GCSAML: variants seen among roughly 807,000 people sequenced by gnomAD.
GCSAML encodes the protein germinal center-associated signaling and motility-like protein.
GCSAML carries 9 observed loss-of-function variants against 13.0 expected under a neutral mutation model. That is an observed-to-expected ratio of 0.69 (90% CI 0.42 to 1.21). The LOEUF (loss-of-function observed/expected upper bound fraction) is 1.21, where lower values mean the gene tolerates loss of function less well. Ranked by LOEUF, GCSAML falls within the 50% of genes most tolerant of loss-of-function variation. The pLI, the probability that GCSAML is intolerant of heterozygous loss-of-function variation, is 0.00. For synonymous variants in GCSAML, 37 were observed against 52.9 expected (o/e 0.70, Z 1.31); for missense variants, 143 against 153.4 (o/e 0.93, Z 0.36).
chr1:247,521,987 CCGCTGCCCCGTCTGGG>C (rs1666451211), intron 1 of GCSAML, among the ~76,000 whole-genome samples: 1 of 151,576 alleles, frequency 6.6e-6, no homozygotes, highest in Non-Finnish European at 1.5e-5. Flanking sequence ...CGCCTCTGCC[CCGCTGCCCCGTCTGGG>C]ATGTGAGGAG....
intron 4 of GCSAML, among the ~76,000 whole-genome samples, chr1:247,566,841 C>A (rs1406530990): frequency 6.6e-6 from 1 of 151,688 alleles, no homozygotes; most frequent in African/African-American, 2.4e-5. Flanking sequence ...TGCATAAACT[C>A]AATTTTTTCT....
chr1:247,550,365 C>T (rs566201086), intron 1 of GCSAML, among the ~76,000 whole-genome samples: 59 of 152,246 alleles, frequency 3.9e-4, no homozygotes, highest in Admixed American at 1.9e-3. Context: ...TGGCTGGGCA[C>T]GGTGGCTCAT....
chr1:247,558,504 AC>A (rs2103048802), intron 2 of GCSAML, among the ~76,000 whole-genome samples: 1 of 152,174 alleles, frequency 6.6e-6, no homozygotes, highest in East Asian at 1.9e-4. Context: ...CAATCAAGAT[AC>A]AGAATATTTC....
intron 2 of GCSAML, among the ~76,000 whole-genome samples, chr1:247,542,850 G>A (rs10436936): frequency 0.31 from 46,434 of 152,094 alleles, 7,229 homozygotes; most frequent in Middle Eastern, 0.41. Context: ...TGTAAAATAC[G>A]TAGGAAATAA....
intron 1 of GCSAML, among the ~76,000 whole-genome samples, chr1:247,514,167 G>C (rs1206988040): frequency 6.6e-6 from 1 of 152,128 alleles, no homozygotes; most frequent in African/African-American, 2.4e-5. Flanking sequence ...TTTTCGTAGG[G>C]ATAGGGTTTC....
chr1:247,510,868 G>A (rs1276644443), intron 1 of GCSAML, among the ~76,000 whole-genome samples: 7 of 152,186 alleles, frequency 4.6e-5, no homozygotes, highest in Non-Finnish European at 1.0e-4. Context: ...GAGACTGTTT[G>A]TTATGATTTC....
chr1:247,563,037 A>G (rs1668195483), intron 2 of GCSAML, among the ~76,000 whole-genome samples: 2 of 145,338 alleles, frequency 1.4e-5, no homozygotes, highest in Non-Finnish European at 3.0e-5. Context: ...TTTAGTAGAG[A>G]CGGGGTCTCA....
intron 2 of GCSAML, chr1:247,532,185 C>A (rs1181403933): frequency 6.2e-7 from 1 of 1,614,116 alleles, no homozygotes. Flanking sequence ...ACTCGGTTGC[C>A]CCCAGCCAAT....
rs115341079 is a variant in GCSAML at position 247,514,834 on chromosome 1, T to C, written c.-263+7601T>C. Among the ~76,000 whole-genome samples, 9 of 152,368 alleles carry C rather than the reference T, an allele frequency of 5.9e-5. 1 individual carries two copies. Among genetic ancestry groups the C allele is most frequent in the Non-Finnish European group, 1.0e-4 (7 of 68,026 alleles). Reference sequence around the variant, plus strand: ...CATTGGTCAATGTCCCGATTTTTTATACCAGTATCATGCTGTTTTGGTGAC... The same window carrying C: ...CATTGGTCAATGTCCCGATTTTTTACACCAGTATCATGCTGTTTTGGTGAC... On this transcript the variant is annotated intron_variant, in intron 1 of 5. Transcript: ENST00000366489.
intron 4 of GCSAML, among the ~76,000 whole-genome samples, chr1:247,568,087 T>C (rs1668456685): frequency 1.3e-5 from 2 of 152,184 alleles, no homozygotes; most frequent in South Asian, 4.1e-4. Context: ...CTTTGTCAGA[T>C]GGATAGATTG....
At chr1:247,532,038 C>T in intron 2 of GCSAML, 1 of 1,613,988 alleles carries the variant, frequency 6.2e-7, no homozygotes, top group Non-Finnish European at 8.5e-7. Context: ...TGGAGCCCAC[C>T]ATGCTGGTGG....
chr1:247,550,730 G>A (rs1667752084), intron 1 of GCSAML, among the ~76,000 whole-genome samples: 1 of 152,110 alleles, frequency 6.6e-6, no homozygotes, highest in Non-Finnish European at 1.5e-5. Flanking sequence ...GGCAGTAGAT[G>A]GAGGACAAAT....
chr1:247,571,672 T>A (rs1668618631), intron 4 of GCSAML, among the ~76,000 whole-genome samples: 1 of 152,242 alleles, frequency 6.6e-6, no homozygotes, highest in Non-Finnish European at 1.5e-5. Flanking sequence ...CTGATGATTA[T>A]GTGTCTTGGG....
chr1:247,573,009 A>G (rs1404932295), intron 4 of GCSAML, among the ~76,000 whole-genome samples: 1 of 152,196 alleles, frequency 6.6e-6, no homozygotes, highest in East Asian at 1.9e-4. Context: ...GTAATGGCAG[A>G]TGCCCCTTCC....
Position 247,515,823 on chromosome 1 carries a change from A to G in GCSAML, c.-263+8590A>G, listed in dbSNP as rs144577275. ...CCCACTAGGCCCCTCCTCCAATTCA[A>G]CATGAGATTTGGGTGGGGACACAAA... On this transcript the variant is annotated intron_variant, in intron 1 of 5. Transcript: ENST00000366489. Among the ~76,000 whole-genome samples the G allele has an allele frequency of 7.6e-4, 115 of 152,302 alleles. No homozygotes were observed. In the East Asian group the frequency reaches 0.016, roughly 21 times the overall value.
At chr1:247,547,881 G>A (rs1239827043), upstream of GCSAML, among the ~76,000 whole-genome samples, 1 of 152,192 alleles carries the variant, frequency 6.6e-6, no homozygotes, top group Admixed American at 6.5e-5. Flanking sequence ...CAGCACTTTG[G>A]TACATAGGTT....
At chr1:247,556,532 C>G in intron 2 of GCSAML, 66 bp downstream of exon 2, 2 of 1,149,972 alleles carry the variant, frequency 1.7e-6, no homozygotes, top group Non-Finnish European at 2.5e-6. Context: ...GAGATTACTT[C>G]CAGAGTCTCT....
intron 4 of GCSAML, 79 bp from the exon 5 acceptor site, chr1:247,574,064 A>G: frequency 6.6e-7 from 1 of 1,516,326 alleles, no homozygotes; most frequent in Non-Finnish European, 9.0e-7. Context: ...GTGTATAAAG[A>G]AGAAGGGAAG....
intron 1 of GCSAML, among the ~76,000 whole-genome samples, chr1:247,554,863 A>T (rs922941840): frequency 6.6e-6 from 1 of 152,194 alleles, no homozygotes; most frequent in African/African-American, 2.4e-5. Context: ...GTTTAAAAAT[A>T]AGAAGAAAAA....
Sources: allele counts gnomAD v4.1 joint callset (sites outside exome capture counted in the v4.1 genomes callset), GRCh38; gene constraint gnomAD v4.1.1; transcripts MANE v1.5; gene names NCBI Gene and HGNC (gene_info 2026-07-23, HGNC 2026-07-21).